Variants in CDH18 observed in about 807,000 individuals in gnomAD.
CDH18 encodes cadherin-18.
Under a neutral mutation model 67.9 loss-of-function variants are expected in CDH18, and 31 were observed. The ratio of observed to expected loss-of-function variants is 0.46; its 90% CI spans 0.34 to 0.62. CDH18 has a LOEUF of 0.62. Among genes scored for constraint, CDH18 ranks in the 20% least tolerant of loss-of-function variants. The probability of loss-of-function intolerance (pLI) is 0.01; values close to 1 mark genes in which losing one functional copy is unlikely to be tolerated. For synonymous variants in CDH18, 362 were observed against 347.2 expected, an observed-to-expected ratio of 1.04 and a Z score of -0.48; for missense variants, 890 against 975.5, an observed-to-expected ratio of 0.91 and a Z score of 1.17.
chr5:19,745,365 C>T (rs1169425371), intron 4 of CDH18, among the ~76,000 whole-genome samples: 3 of 152,138 alleles, frequency 2.0e-5, no homozygotes, highest in South Asian at 4.1e-4. Context: ...CTGGGTAATG[C>T]CTGCTCTGCC....
At chr5:20,110,419 ATGTGTGTAATCCCAGCACTT>A (rs1747361155) in intron 2 of CDH18, among the ~76,000 whole-genome samples, 1 of 150,934 alleles carries the variant, frequency 6.6e-6, no homozygotes, top group Admixed American at 6.6e-5. Flanking sequence ...ACGGTGGCTC[ATGTGTGTAATCCCAGCACTT>A]TGGGAGGCCG....
intron 2 of CDH18, among the ~76,000 whole-genome samples, chr5:20,200,943 G>A (rs933545710): frequency 6.6e-6 from 1 of 151,946 alleles, no homozygotes; most frequent in African/African-American, 2.4e-5. Context: ...ATTTGAAATA[G>A]AATTTCTTAT....
chr5:19,988,911 T>C (rs1168820614), upstream of CDH18, among the ~76,000 whole-genome samples: 1 of 152,146 alleles, frequency 6.6e-6, no homozygotes, highest in African/African-American at 2.4e-5. Flanking sequence ...GCATTTATAT[T>C]TGTGAAGACG....
intron 2 of CDH18, among the ~76,000 whole-genome samples, chr5:20,194,416 C>T (rs1193916594): frequency 6.6e-6 from 1 of 151,968 alleles, no homozygotes; most frequent in Non-Finnish European, 1.5e-5. Context: ...GCATGGAACA[C>T]CATAGATAAC....
At chr5:20,524,795 C>A (rs898462865) in intron 1 of CDH18, among the ~76,000 whole-genome samples, 5 of 152,086 alleles carry the variant, frequency 3.3e-5, no homozygotes, top group Non-Finnish European at 5.9e-5. Context: ...GCCCTGAGGT[C>A]TTCAGTTCAT....
intron 2 of CDH18, among the ~76,000 whole-genome samples, chr5:19,962,303 C>T (rs1371387947): frequency 8.3e-6 from 1 of 120,514 alleles, no homozygotes; most frequent in Non-Finnish European, 1.6e-5. Context: ...TATTTACAAA[C>T]ATTTAATAAA....
chr5:20,495,298 G>C (rs1009410808), intron 1 of CDH18, among the ~76,000 whole-genome samples: 4 of 151,988 alleles, frequency 2.6e-5, no homozygotes, highest in Non-Finnish European at 5.9e-5. Flanking sequence ...AAGTTTTACT[G>C]TATAAATGTT....
intron 7 of CDH18, among the ~76,000 whole-genome samples, chr5:19,575,032 A>AAAAAC (rs1044253987): frequency 3.3e-5 from 5 of 152,032 alleles, no homozygotes; most frequent in African/African-American, 4.8e-5. Flanking sequence ...GAGTCAGACA[A>AAAAAC]AAAACAAAAC....
intron 2 of CDH18, among the ~76,000 whole-genome samples, chr5:20,223,783 G>A (rs1169714161): frequency 6.6e-6 from 1 of 151,996 alleles, no homozygotes; most frequent in Non-Finnish European, 1.5e-5. Flanking sequence ...CTTTGTGTAG[G>A]GGGAACTTGT....
intron 2 of CDH18, among the ~76,000 whole-genome samples, chr5:20,169,330 G>C (rs951306230): frequency 1.6e-4 from 25 of 151,986 alleles, no homozygotes; most frequent in African/African-American, 5.6e-4. Flanking sequence ...AAATAAAATG[G>C]AAAGTTATAC....
chr5:19,723,652 T>C lies in CDH18; in HGVS notation c.524-2186A>G, dbSNP rs192238897. On this transcript the variant is annotated intron_variant, in intron 4 of 12. Coordinates refer to ENST00000382275, the MANE Select transcript of CDH18 (RefSeq NM_004934.5). ...AATGTGATTGTTTGGCAATTTCTTA[T>C]AAAACTAAACACACATCTACCCAAT... is the stretch of plus-strand genomic sequence containing the variant. Among the ~76,000 whole-genome samples, 196 of 152,320 alleles carry C rather than the reference T, an allele frequency of 1.3e-3. 1 individual carries two copies. Among genetic ancestry groups the C allele is most frequent in the African/African-American group, 4.6e-3 (190 of 41,568 alleles).
chr5:19,678,773 G>C (rs1759854618), intron 5 of CDH18, among the ~76,000 whole-genome samples: 1 of 151,890 alleles, frequency 6.6e-6, no homozygotes, highest in African/African-American at 2.4e-5. Flanking sequence ...TCCCTGACCA[G>C]ATGAATTATG....
chr5:20,538,915 T>TTTTTTG (rs1218858462), intron 1 of CDH18, among the ~76,000 whole-genome samples: 2 of 143,396 alleles, frequency 1.4e-5, no homozygotes, highest in African/African-American at 5.0e-5. Context: ...TTTTGTTTTT[T>TTTTTTG]TTTTTTTTTG....
intron 1 of CDH18, among the ~76,000 whole-genome samples, chr5:20,469,915 G>T (rs1043805471): frequency 3.3e-5 from 5 of 151,892 alleles, no homozygotes. Context: ...ACCACATTTT[G>T]GCCTCTCAGT....
In CDH18 at chr5:19,821,025, A is replaced by T. The variant is rs6883164; in HGVS notation, c.228+17734T>A. ...TCAGATGAGAAGACATTGGCACAAA[A>T]ACTCCATTAATTTAATCTTTGGAGT... On this transcript the variant is annotated intron_variant, in intron 3 of 12. Coordinates refer to ENST00000382275, the MANE Select transcript of CDH18 (RefSeq NM_004934.5). 4.5e-3 allele frequency among the ~76,000 whole-genome samples: 688 copies of T among 152,334 alleles called. 1 individual carries two copies. The highest frequency in any genetic ancestry group is 7.9e-3 in the Non-Finnish European group (537 of 68,032).
intron 2 of CDH18, among the ~76,000 whole-genome samples, chr5:20,244,915 A>G (rs1295143914): frequency 1.3e-5 from 2 of 152,138 alleles, no homozygotes; most frequent in Admixed American, 6.5e-5. Context: ...TATTCTATTC[A>G]GCCTTTAAAC....
chr5:20,219,670 C>T (rs1379514758), intron 2 of CDH18, among the ~76,000 whole-genome samples: 2 of 151,940 alleles, frequency 1.3e-5, no homozygotes, highest in East Asian at 3.9e-4. Flanking sequence ...TGCAAAAATA[C>T]TTCAATATAT....
chr5:20,050,881 T>C (rs1741361784), intron 2 of CDH18, among the ~76,000 whole-genome samples: 2 of 151,852 alleles, frequency 1.3e-5, no homozygotes, highest in African/African-American at 4.8e-5. Flanking sequence ...TTTTTCTTTT[T>C]TTGATAGAAG....
intron 1 of CDH18, among the ~76,000 whole-genome samples, chr5:20,481,393 A>G (rs1377259402): frequency 6.6e-6 from 1 of 152,110 alleles, no homozygotes; most frequent in Non-Finnish European, 1.5e-5. Context: ...CATTTTTAGC[A>G]ATAGGATTGA....
Sources: gnomAD v4.1 joint callset for allele counts (sites outside exome capture counted in the v4.1 genomes callset) on GRCh38, gnomAD v4.1.1 for gene constraint, MANE v1.5 for transcripts, NCBI Gene and HGNC (gene_info 2026-07-23, HGNC 2026-07-21) for gene names.